The following TMEFF2 variants were observed in gnomAD, a reference collection of about 807,000 sequenced individuals.
The protein encoded by TMEFF2 is tomoregulin-2.
In TMEFF2, 28 loss-of-function variants were observed where a neutral mutation model predicts 53.8. The ratio of observed to expected loss-of-function variants is 0.52; its 90% CI spans 0.39 to 0.71. The LOEUF (loss-of-function observed/expected upper bound fraction) is 0.71, where lower values mean the gene tolerates loss of function less well. Ranked by LOEUF, TMEFF2 falls within the 30% of genes least tolerant of loss-of-function variation. The pLI is 0.00. For missense variants in TMEFF2, 353 were observed against 455.2 expected, an observed-to-expected ratio of 0.78 and a Z score of 2.04; for synonymous variants, 162 against 166.3, an observed-to-expected ratio of 0.97 and a Z score of 0.20.
At chr2:192,100,386 T>G (rs930581195) in intron 4 of TMEFF2, among the ~76,000 whole-genome samples, 1 of 152,184 alleles carries the variant, frequency 6.6e-6, no homozygotes, top group Admixed American at 6.6e-5. Flanking sequence ...CATGTCACTG[T>G]GACCGAAGTC....
At chr2:192,072,728 C>A (rs756434886) in intron 4 of TMEFF2, among the ~76,000 whole-genome samples, 1 of 151,898 alleles carries the variant, frequency 6.6e-6, no homozygotes, top group East Asian at 1.9e-4. Context: ...GTATCTGAAG[C>A]ACCATTCTTA....
chr2:191,973,855 T>C (rs975408083), intron 7 of TMEFF2, among the ~76,000 whole-genome samples: 11 of 152,238 alleles, frequency 7.2e-5, no homozygotes, highest in Admixed American at 2.6e-4. Context: ...AAGGTGTTTT[T>C]CCCCACCTTC....
At chr2:192,055,204 C>G (rs1687873184) in intron 5 of TMEFF2, among the ~76,000 whole-genome samples, 1 of 152,108 alleles carries the variant, frequency 6.6e-6, no homozygotes, top group South Asian at 2.1e-4. Context: ...GTGTCTTGAT[C>G]TTATGACTAC....
intron 4 of TMEFF2, among the ~76,000 whole-genome samples, chr2:192,103,397 C>A (rs1689077809): frequency 6.6e-6 from 1 of 151,974 alleles, no homozygotes; most frequent in Non-Finnish European, 1.5e-5. Flanking sequence ...TGGATATGGA[C>A]CTTTTAGTTT....
intron 5 of TMEFF2, among the ~76,000 whole-genome samples, chr2:192,039,544 G>GTT: frequency 6.6e-6 from 1 of 152,058 alleles, no homozygotes; most frequent in Admixed American, 6.6e-5. Flanking sequence ...TTTATTCTTA[G>GTT]TAGTAAAATA....
intron 7 of TMEFF2, among the ~76,000 whole-genome samples, chr2:191,957,517 A>T (rs1383415951): frequency 1.3e-5 from 2 of 152,180 alleles, no homozygotes; most frequent in Non-Finnish European, 2.9e-5. Flanking sequence ...AAGCATATTC[A>T]TTGGAAGAAA....
intron 4 of TMEFF2, among the ~76,000 whole-genome samples, chr2:192,098,092 C>T (rs1049558358): frequency 4.6e-5 from 7 of 152,072 alleles, no homozygotes; most frequent in African/African-American, 1.7e-4. Flanking sequence ...ATGCTTTTGG[C>T]TAGGAAGTGA....
At chr2:192,072,271 C>A (rs1355337374) in intron 4 of TMEFF2, among the ~76,000 whole-genome samples, 1 of 151,808 alleles carries the variant, frequency 6.6e-6, no homozygotes, top group South Asian at 2.1e-4. Context: ...GTTCTTGTAT[C>A]CTTAAATAGG....
rs3053696 is a variant in TMEFF2 at position 192,048,361 on chromosome 2, AACAC to A, written c.536+9314_536+9317del. ...GTAAAATATTATTAGATTCTCATAAAACACACACACACACACACACACACACACA... is the reference window on the plus strand; with the variant it reads ...GTAAAATATTATTAGATTCTCATAAAACACACACACACACACACACACACA... On this transcript the variant is annotated intron_variant, in intron 5 of 9. Transcript: ENST00000272771. 6.6e-3 allele frequency among the ~76,000 whole-genome samples: 943 copies of A among 143,258 alleles called. 4 individuals carry two copies. Among genetic ancestry groups the A allele is most frequent in the Non-Finnish European group, 8.0e-3 (527 of 65,930 alleles). 94.0% of individuals were successfully genotyped at this position (143,258 alleles called of 152,430 possible). A position where few individuals can be genotyped will look rare whatever the true frequency, so the allele number is the denominator to read the frequency against.
At chr2:192,036,956 C>T (rs1294723056) in intron 5 of TMEFF2, 1 of 152,110 alleles carries the variant, frequency 6.6e-6, no homozygotes. Flanking sequence ...ATGTCGTCTG[C>T]TTGCTTGTTT....
chr2:191,954,032 C>T lies in TMEFF2; in HGVS notation c.870-195G>A, dbSNP rs1225480658. ...CCTCCCGAGTAGCTGGGACTACAGG[C>T]GCCCGCCACTATGCCCGGCTAATTT... On this transcript the variant is annotated intron_variant, in intron 8 of 9. Transcript: ENST00000272771. 2.0e-5 allele frequency among the ~76,000 whole-genome samples: 3 copies of T among 151,540 alleles called. 1 individual carries two copies. The highest frequency in any genetic ancestry group is 4.4e-5 in the Non-Finnish European group (3 of 67,644).
At chr2:191,963,265 T>G (rs910628762) in intron 7 of TMEFF2, among the ~76,000 whole-genome samples, 2 of 152,200 alleles carry the variant, frequency 1.3e-5, no homozygotes, top group Non-Finnish European at 2.9e-5. Flanking sequence ...ATGCTAAGAA[T>G]ATATTTATTC....
intron 7 of TMEFF2, among the ~76,000 whole-genome samples, chr2:191,976,092 A>G (rs1234099617): frequency 1.3e-5 from 2 of 152,246 alleles, no homozygotes; most frequent in Non-Finnish European, 1.5e-5. Flanking sequence ...ATTGACAGTG[A>G]ATTTTTGCAA....
chr2:192,075,951 AG>A (rs1688421893), intron 4 of TMEFF2, among the ~76,000 whole-genome samples: 1 of 151,826 alleles, frequency 6.6e-6, no homozygotes, highest in African/African-American at 2.4e-5. Flanking sequence ...GATGGAAGAA[AG>A]GAAAGAAGGA....
At chr2:191,966,860 A>G (rs1692486289) in intron 7 of TMEFF2, among the ~76,000 whole-genome samples, 1 of 152,180 alleles carries the variant, frequency 6.6e-6, no homozygotes, top group Admixed American at 6.5e-5. Context: ...GGTTTTCTAC[A>G]AGAGCATCCT....
chr2:192,005,851 C>G (rs1181077980), intron 5 of TMEFF2, among the ~76,000 whole-genome samples: 3 of 152,192 alleles, frequency 2.0e-5, no homozygotes, highest in Admixed American at 2.0e-4. Flanking sequence ...CATTAACTCT[C>G]ACATCACTCC....
At chr2:191,955,838 G>A (rs1341295286) in intron 8 of TMEFF2, among the ~76,000 whole-genome samples, 1 of 152,042 alleles carries the variant, frequency 6.6e-6, no homozygotes, top group African/African-American at 2.4e-5. Flanking sequence ...GAAGGACTTA[G>A]GAAAAGATGA....
intron 6 of TMEFF2, 114 bp from the exon 7 acceptor site, chr2:191,998,435 T>C: frequency 1.4e-6 from 1 of 711,676 alleles, no homozygotes; most frequent in Non-Finnish European, 2.2e-6. Context: ...TTTTTACAAC[T>C]GTAGTTCTAA....
chr2:192,097,847 T>G (rs1230054707), intron 4 of TMEFF2, among the ~76,000 whole-genome samples: 1 of 152,172 alleles, frequency 6.6e-6, no homozygotes, highest in Non-Finnish European at 1.5e-5. Flanking sequence ...GGTGCGCAGT[T>G]AGGATCCTAG....
Sources: gnomAD v4.1 joint callset for allele counts (sites outside exome capture counted in the v4.1 genomes callset) on GRCh38, gnomAD v4.1.1 for gene constraint, MANE v1.5 for transcripts, NCBI Gene and HGNC (gene_info 2026-07-23, HGNC 2026-07-21) for gene names.